Variants in TMEM89 observed in about 807,000 individuals in gnomAD.
The protein encoded by TMEM89 is transmembrane protein 89.
TMEM89 carries 4 observed loss-of-function variants against 9.3 expected under a neutral mutation model. The observed-to-expected ratio is 0.43, with a 90% confidence interval of 0.21 to 0.98. The LOEUF is 0.98. TMEM89 is among the 50% of genes least tolerant of loss of function. TMEM89 has a pLI of 0.27. For missense variants in TMEM89, 220 were observed against 214.7 expected (o/e 1.02, Z -0.15); for synonymous variants, 96 against 92.5 (o/e 1.04, Z -0.21).
In TMEM89 at chr3:48,621,620, T is replaced by A; in HGVS notation, c.137A>T (p.Glu46Val). The part of the protein sequence containing the change: ...QPWGCQPKSV[E>V]GCRGGLSCPG... ...ACAGCTCAGGCCACCCCTACAGCCC[T>A]CCACACTCTTTGGCTGACACCCCCA... Residue 46 changes from glutamate to valine, a missense_variant, in exon 1 of 2, where the codon GAG (glutamate) becomes GTG (valine). Physicochemically the swap from Glu to Val is moderately radical, Grantham distance 121 (BLOSUM62 -2). Transcript: ENST00000330862. 1 of 1,613,842 alleles carries A rather than the reference T, an allele frequency of 6.2e-7. No individual in the cohort carries two copies. The highest frequency in any genetic ancestry group is 8.5e-7 in the Non-Finnish European group (1 of 1,179,962).
chr3:48,621,597 A>G lies in TMEM89; in HGVS notation c.160T>C (p.Cys54Arg). Reference sequence around the variant, plus strand: ...CCAGGGCCCAGCCAGTAGCCAGGACAGCTCAGGCCACCCCTACAGCCCTCC... The same window carrying G: ...CCAGGGCCCAGCCAGTAGCCAGGACGGCTCAGGCCACCCCTACAGCCCTCC... ...SVEGCRGGLS[C>R]PGYWLGPGAS... Residue 54 changes from cysteine (C) to arginine (R), a missense_variant, in exon 1 of 2, where the codon TGT becomes CGT. Cys to Arg is a radical substitution (Grantham distance 180). Transcript: ENST00000330862. The G allele has an allele frequency of 2.5e-6, 4 of 1,613,912 alleles. No individual in the cohort carries two copies. Among genetic ancestry groups the G allele is most frequent in the Non-Finnish European group, 3.4e-6 (4 of 1,179,964 alleles).
intron 1 of TMEM89, 108 bp downstream of exon 1, chr3:48,621,355 C>T: frequency 7.1e-7 from 1 of 1,400,756 alleles, no homozygotes; most frequent in South Asian, 1.3e-5. Context: ...TGTGGGAGGT[C>T]CACAGGCCAG....
chr3:48,621,279 G>A (rs2046537115), intron 1 of TMEM89, among the ~76,000 whole-genome samples, 184 bp downstream of exon 1: 1 of 151,902 alleles, frequency 6.6e-6, no homozygotes, highest in South Asian at 2.1e-4. Context: ...GGCTGTGGGT[G>A]GTGGACATGG....
Position 48,621,649 on chromosome 3 carries a change from C to G in TMEM89, c.108G>C (p.Gln36His). The G allele has an allele frequency of 6.2e-7, 1 of 1,614,012 alleles. No individual in the cohort carries two copies. Among genetic ancestry groups the G allele is most frequent in the East Asian group, 2.2e-5 (1 of 44,880 alleles). Residue 36 changes from glutamine to histidine, a missense_variant, in exon 1 of 2, where the codon CAG (glutamine) becomes CAC (histidine). Coordinates refer to ENST00000330862, the MANE Select transcript of TMEM89 (RefSeq NM_001008269.3). ...PLWYQVGLDL[Q>H]PWGCQPKSVE... ...CACTCTTTGGCTGACACCCCCAGGG[C>G]TGCAAGTCCAGCCCCACCTGGTACC... is the stretch of plus-strand genomic sequence containing the variant.
intron 1 of TMEM89, 131 bp from the exon 2 acceptor site, chr3:48,621,158 C>T: frequency 1.1e-6 from 1 of 947,940 alleles, no homozygotes; most frequent in Non-Finnish European, 1.6e-6. Context: ...GAGGGAGACT[C>T]AGGGTGATAG....
rs1348077946 is a variant in TMEM89 at position 48,620,840 on chromosome 3, G to A, written c.*2C>T. 2.2e-5 allele frequency: 36 copies of A among 1,613,870 alleles called. No homozygotes were observed. The highest frequency in any genetic ancestry group is 2.9e-5 in the Non-Finnish European group (34 of 1,179,898). On this transcript the variant is annotated 3_prime_UTR_variant, in exon 2 of 2. Transcript: ENST00000330862. ...GTCAGGCAAAGAGAGGCACATGTTC[G>A]GTCACCCACTCTGGGTGGAAGTCCC... is the stretch of plus-strand genomic sequence containing the variant.
Position 48,621,522 on chromosome 3 carries a change from G to C in TMEM89, c.235C>G (p.Leu79Val). The change falls in exon 1 of 2, where the codon CTG (leucine) becomes GTG (valine). Residue 79 changes from leucine to valine, a missense_variant. Physicochemically the swap from Leu to Val is conservative, Grantham distance 32. Transcript: ENST00000330862. Reference protein sequence around the residue: ...VAAVMITTTMLMICRKILQGR... With the variant: ...VAAVMITTTMVMICRKILQGR... ...TGCAGTATCTTGCGGCAGATCATCA[G>C]CATCGTGGTGGTGATCATGACCGCA... 1 of 1,613,886 alleles carries C rather than the reference G, an allele frequency of 6.2e-7. No individual in the cohort carries two copies. The highest frequency in any genetic ancestry group is 8.5e-7 in the Non-Finnish European group (1 of 1,179,972).
In TMEM89 at chr3:48,620,834, A is replaced by G. The variant is rs1419843344; in HGVS notation, c.*8T>C. 6.2e-7 allele frequency: 1 copy of G among 1,613,976 alleles called. No individual in the cohort carries two copies. On this transcript the variant is annotated 3_prime_UTR_variant, in exon 2 of 2. Coordinates refer to ENST00000330862, the MANE Select transcript of TMEM89 (RefSeq NM_001008269.3). ...CAGGCTGTCAGGCAAAGAGAGGCACATGTTCGGTCACCCACTCTGGGTGGA... is the reference window on the plus strand; with the variant it reads ...CAGGCTGTCAGGCAAAGAGAGGCACGTGTTCGGTCACCCACTCTGGGTGGA...
chr3:48,621,220 G>A (rs975049459), intron 1 of TMEM89, among the ~76,000 whole-genome samples, 193 bp from the exon 2 acceptor site: 2 of 152,082 alleles, frequency 1.3e-5, no homozygotes, highest in Non-Finnish European at 2.9e-5. Flanking sequence ...GCCCACAGGG[G>A]CTGGATGAGA....
In TMEM89 at chr3:48,621,743, AG is replaced by A; in HGVS notation, c.13del (p.Leu5TrpfsTer11). MLHV[L>X]ASLPLLLLLV... Reference sequence around the variant, plus strand: ...CAGGAGCAGCAAAGGCAGCGAGGCCAGCACATGCAGCATGGCCGTCGCTAGT... The same window carrying A: ...CAGGAGCAGCAAAGGCAGCGAGGCCACACATGCAGCATGGCCGTCGCTAGT... On this transcript the variant is annotated frameshift_variant, in exon 1 of 2. Coordinates refer to ENST00000330862, the MANE Select transcript of TMEM89 (RefSeq NM_001008269.3). LOFTEE classifies it high-confidence loss of function. 1 of 1,612,456 alleles carries A rather than the reference AG, an allele frequency of 6.2e-7. No homozygotes were observed. The highest frequency in any genetic ancestry group is 8.5e-7 in the Non-Finnish European group (1 of 1,179,742).
At position 48,621,609 on chromosome 3, in the gene TMEM89, C is replaced by G; in HGVS notation, c.148G>C (p.Gly50Arg). The G allele has an allele frequency of 6.2e-7, 1 of 1,613,942 alleles. No homozygotes were observed. Among genetic ancestry groups the G allele is most frequent in the Non-Finnish European group, 8.5e-7 (1 of 1,179,984 alleles). The part of the protein sequence containing the change: ...CQPKSVEGCR[G>R]GLSCPGYWLG... ...CAGTAGCCAGGACAGCTCAGGCCAC[C>G]CCTACAGCCCTCCACACTCTTTGGC... Residue 50 changes from glycine (G) to arginine (R), a missense_variant, in exon 1 of 2, where the codon GGT (glycine) becomes CGT (arginine). Physicochemically the swap from Gly to Arg is moderately radical, Grantham distance 125. Coordinates refer to ENST00000330862, the MANE Select transcript of TMEM89 (RefSeq NM_001008269.3).
rs867751347 is a variant in TMEM89, at chr3:48,620,959, C to T, written c.363G>A (p.Leu121=). Residue 121 remains leucine, a synonymous_variant, in exon 2 of 2, where the codon CTG becomes CTA. Transcript: ENST00000330862. Reference sequence around the variant, plus strand: ...CCAGCATGTGCAGGACCCCACGGAGCAGGGTGTGGTCTGAGATTGGGGCCC... The same window carrying T: ...CCAGCATGTGCAGGACCCCACGGAGTAGGGTGTGGTCTGAGATTGGGGCCC... The part of the protein sequence containing the change: ...KRRAPISDHT[L]LRGVLHMLDA... 1.6e-5 allele frequency: 26 copies of T among 1,614,108 alleles called. 1 individual carries two copies. In the Middle Eastern group the frequency reaches 2.5e-3, roughly 154 times the overall value.
chr3:48,621,479 T>C lies in TMEM89; in HGVS notation c.278A>G (p.Gln93Arg), dbSNP rs764146166. The change falls in exon 1 of 2, where the codon CAG (glutamine) becomes CGG (arginine). Residue 93 changes from glutamine to arginine, a missense_variant. Physicochemically the swap from Gln to Arg is conservative, Grantham distance 43. Transcript: ENST00000330862. Reference sequence around the variant, plus strand: ...TGTGCTCACCTCACCCTTGGTGGCCTGTGAGCGCCGCCGCCCCTGCAGTAT... The same window carrying C: ...TGTGCTCACCTCACCCTTGGTGGCCCGTGAGCGCCGCCGCCCCTGCAGTAT... ...RKILQGRRRS[Q>R]ATKGEHPQVT... The C allele has an allele frequency of 6.8e-6, 11 of 1,613,052 alleles. No individual in the cohort carries two copies. The highest frequency in any genetic ancestry group is 6.6e-5 in the South Asian group (6 of 90,950).
In TMEM89 at chr3:48,621,745, C is replaced by G; in HGVS notation, c.12G>C (p.Val4=). 1 of 1,612,346 alleles carries G rather than the reference C, an allele frequency of 6.2e-7. No individual in the cohort carries two copies. The highest frequency in any genetic ancestry group is 1.1e-5 in the South Asian group (1 of 91,056). MLH[V]LASLPLLLLL... is the part of the protein sequence containing the mutation. ...GGAGCAGCAAAGGCAGCGAGGCCAGCACATGCAGCATGGCCGTCGCTAGTG... is the reference window on the plus strand; with the variant it reads ...GGAGCAGCAAAGGCAGCGAGGCCAGGACATGCAGCATGGCCGTCGCTAGTG... Residue 4 remains valine, a synonymous_variant, in exon 1 of 2, where the codon GTG becomes GTC. Transcript: ENST00000330862.
At position 48,621,618 on chromosome 3, in the gene TMEM89, C is replaced by T; in HGVS notation, c.139G>A (p.Gly47Ser). 6.2e-7 allele frequency: 1 copy of T among 1,613,996 alleles called. No homozygotes were observed. The highest frequency in any genetic ancestry group is 8.5e-7 in the Non-Finnish European group (1 of 1,180,006). Residue 47 changes from glycine (G) to serine (S), a missense_variant, in exon 1 of 2, where the codon GGC becomes AGC. Coordinates refer to ENST00000330862, the MANE Select transcript of TMEM89 (RefSeq NM_001008269.3). The stretch of plus-strand genomic sequence containing the variant: ...GGACAGCTCAGGCCACCCCTACAGC[C>T]CTCCACACTCTTTGGCTGACACCCC... The part of the protein sequence containing the change: ...PWGCQPKSVE[G>S]CRGGLSCPGY...
Position 48,621,747 on chromosome 3 carries a change from C to A in TMEM89, c.10G>T (p.Val4Leu). 6.2e-7 allele frequency: 1 copy of A among 1,612,202 alleles called. No individual in the cohort carries two copies. Among genetic ancestry groups the A allele is most frequent in the Non-Finnish European group, 8.5e-7 (1 of 1,179,692 alleles). ...AGCAGCAAAGGCAGCGAGGCCAGCA[C>A]ATGCAGCATGGCCGTCGCTAGTGCC... The part of the protein sequence containing the change: MLH[V>L]LASLPLLLLL... Residue 4 changes from valine (V) to leucine (L), a missense_variant, in exon 1 of 2, where the codon GTG becomes TTG. Val to Leu is a conservative substitution (Grantham distance 32). Transcript: ENST00000330862.
In TMEM89 at chr3:48,621,082, G is replaced by A. The variant is rs2046535513; in HGVS notation, c.295-55C>T. 3.8e-6 allele frequency: 6 copies of A among 1,575,232 alleles called. No homozygotes were observed. The South Asian group carries it at 4.5e-5, about 12-fold the overall frequency. On this transcript the variant is annotated intron_variant, in intron 1 of 1. Coordinates refer to ENST00000330862, the MANE Select transcript of TMEM89 (RefSeq NM_001008269.3). ...GAATGGTGGGCAGAGAGGGAGATGT[G>A]ACAAGGGGCAGTGATGGAGCTGGGG...
Position 48,621,598 on chromosome 3 carries a change from G to C in TMEM89, c.159C>G (p.Ser53Arg), listed in dbSNP as rs2046541361. 1 of 1,613,956 alleles carries C rather than the reference G, an allele frequency of 6.2e-7. No homozygotes were observed. Among genetic ancestry groups the C allele is most frequent in the Non-Finnish European group, 8.5e-7 (1 of 1,179,986 alleles). The change falls in exon 1 of 2, where the codon AGC becomes AGG. Residue 53 changes from serine to arginine, a missense_variant. Ser to Arg is a moderately radical substitution (Grantham distance 110). Coordinates refer to ENST00000330862, the MANE Select transcript of TMEM89 (RefSeq NM_001008269.3). The stretch of plus-strand genomic sequence containing the variant: ...CAGGGCCCAGCCAGTAGCCAGGACA[G>C]CTCAGGCCACCCCTACAGCCCTCCA... Reference protein sequence around the residue: ...KSVEGCRGGLSCPGYWLGPGA... With the variant: ...KSVEGCRGGLRCPGYWLGPGA...
rs60356053 is a variant in TMEM89, at chr3:48,621,514, G to C, written c.243C>G (p.Ile81Met). The part of the protein sequence containing the change: ...AVMITTTMLM[I>M]CRKILQGRRR... ...GCCGCCCCTGCAGTATCTTGCGGCA[G>C]ATCATCAGCATCGTGGTGGTGATCA... Residue 81 changes from isoleucine (I) to methionine (M), a missense_variant, in exon 1 of 2, where the codon ATC becomes ATG. Coordinates refer to ENST00000330862, the MANE Select transcript of TMEM89 (RefSeq NM_001008269.3). The C allele has an allele frequency of 1.1e-3, 1,780 of 1,613,888 alleles. 18 individuals are homozygous for C. The African/African-American group carries it at 0.019, about 17-fold the overall frequency.
Sources: allele counts gnomAD v4.1 joint callset (sites outside exome capture counted in the v4.1 genomes callset), GRCh38; gene constraint gnomAD v4.1.1; transcripts MANE v1.5; gene names NCBI Gene and HGNC (gene_info 2026-07-23, HGNC 2026-07-21).